The following TBC1D16 variants were observed in gnomAD, a reference collection of about 807,000 sequenced individuals.
TBC1D16 encodes the protein CTD-2529O21.1.
Under a neutral mutation model 74.7 loss-of-function variants are expected in TBC1D16, and 58 were observed. The observed-to-expected ratio is 0.78, with a 90% CI of 0.63 to 0.97. The LOEUF (loss-of-function observed/expected upper bound fraction) is 0.97, where lower values mean the gene tolerates loss of function less well. Ranked by LOEUF, TBC1D16 falls within the 50% of genes least tolerant of loss-of-function variation. TBC1D16 has a pLI of 0.00. For synonymous variants in TBC1D16, 493 were observed against 474.7 expected (o/e 1.04, Z -0.50); for missense variants, 1,014 against 1,079.5 (o/e 0.94, Z 0.85).
chr17:79,947,285 C>G lies in TBC1D16; in HGVS notation c.1728+360G>C, dbSNP rs76580238. On this transcript the variant is annotated intron_variant, in intron 9 of 11. Coordinates refer to ENST00000310924, the MANE Select transcript of TBC1D16 (RefSeq NM_019020.4). ...TGGCTGTGTTGACTCCTGCAGGGAG[C>G]AGCTTAGACACACCTGAGGACCCAT... Among the ~76,000 whole-genome samples, 508 of 152,262 alleles carry G rather than the reference C, an allele frequency of 3.3e-3. 20 individuals are homozygous for G. The East Asian group carries it at 0.078, about 23-fold the overall frequency.
At chr17:80,002,317 C>T (rs761749092) in intron 3 of TBC1D16, among the ~76,000 whole-genome samples, 49 of 152,336 alleles carry the variant, frequency 3.2e-4, no homozygotes, top group Non-Finnish European at 6.0e-4. Flanking sequence ...CAGCCGCTGC[C>T]GCTGATACTC....
chr17:80,001,932 G>A lies in TBC1D16; in HGVS notation c.779+8228C>T, dbSNP rs1405556559. Among the ~76,000 whole-genome samples, 4 of 151,982 alleles carry A rather than the reference G, an allele frequency of 2.6e-5. No individual in the cohort carries two copies. The highest frequency in any genetic ancestry group is 1.9e-4 in the East Asian group (1 of 5,184). On this transcript the variant is annotated intron_variant, in intron 3 of 11. Transcript: ENST00000310924. The surrounding 1 kb of genome is among the most constrained non-coding windows in gnomAD (Gnocchi z 5.8). Reference sequence around the variant, plus strand: ...CTCTGATTTGCTGGGCAGCTGCTGCGCCCCGGAACAAAGACGGGAAGGGCA... The same window carrying A: ...CTCTGATTTGCTGGGCAGCTGCTGCACCCCGGAACAAAGACGGGAAGGGCA...
rs1257990587 is a variant in TBC1D16, at chr17:80,007,116, C to T, written c.779+3044G>A. Among the ~76,000 whole-genome samples the T allele has an allele frequency of 2.0e-5, 3 of 152,330 alleles. No homozygotes were observed. The highest frequency in any genetic ancestry group is 1.9e-4 in the East Asian group (1 of 5,184). ...CTCGTCCCAGCACAAAGCTGCAACT[C>T]GCCACGTTCAGCGAGCCTCCCCTGG... On this transcript the variant is annotated intron_variant, in intron 3 of 11. Transcript: ENST00000310924. This position sits in a 1 kb window ranked among gnomAD's most constrained non-coding sequence, Gnocchi z 4.5.
At position 79,941,193 on chromosome 17, in the gene TBC1D16, C is replaced by T. The variant is rs2031947522; in HGVS notation, c.2056-86G>A. The stretch of plus-strand genomic sequence containing the variant: ...CCATGGGAGTGGCCAAAGACAGCAA[C>T]AGCAGCAACAACGGCCTGCACCTCG... On this transcript the variant is annotated intron_variant, in intron 11 of 11. Coordinates refer to ENST00000310924, the MANE Select transcript of TBC1D16 (RefSeq NM_019020.4). The surrounding 1 kb of genome is among the most constrained non-coding windows in gnomAD (Gnocchi z 4.3). The T allele has an allele frequency of 6.7e-6, 9 of 1,351,562 alleles. No homozygotes were observed. The South Asian group carries it at 1.2e-4, about 17-fold the overall frequency. The allele number at this position is 1,351,562 out of a possible 1,614,324, so 83.7% of individuals were successfully genotyped here.
Position 79,947,667 on chromosome 17 carries a change from T to A in TBC1D16, c.1706A>T (p.Asp569Val), listed in dbSNP as rs756698303. 2 of 1,614,040 alleles carry A rather than the reference T, an allele frequency of 1.2e-6. No homozygotes were observed. The highest frequency in any genetic ancestry group is 1.7e-6 in the Non-Finnish European group (2 of 1,180,002). Residue 569 changes from aspartate (D) to valine (V), a missense_variant, in exon 9 of 12, where the codon GAC becomes GTC. Coordinates refer to ENST00000310924, the MANE Select transcript of TBC1D16 (RefSeq NM_019020.4). ...CACCAGTTGTTTCTCCATGTCCTCG[T>A]CCCGGGGTGAGCTGACGAAGATCGT... is the stretch of plus-strand genomic sequence containing the variant. ...QNTIFVSSPR[D>V]EDMEKQLLYL...
Position 80,008,052 on chromosome 17 carries a change from G to A in TBC1D16, c.779+2108C>T, listed in dbSNP as rs2035744279. Among the ~76,000 whole-genome samples the A allele has an allele frequency of 6.6e-6, 1 of 150,966 alleles. No homozygotes were observed. Among genetic ancestry groups the A allele is most frequent in the Non-Finnish European group, 1.5e-5 (1 of 67,828 alleles). On this transcript the variant is annotated intron_variant, in intron 3 of 11. Coordinates refer to ENST00000310924, the MANE Select transcript of TBC1D16 (RefSeq NM_019020.4). This position sits in a 1 kb window ranked among gnomAD's most constrained non-coding sequence, Gnocchi z 4.5. ...AAAAAAAAAAGTGTCTCCTGGCATTGCCATACACCCCCTGGGCACAGACTC... is the reference window on the plus strand; with the variant it reads ...AAAAAAAAAAGTGTCTCCTGGCATTACCATACACCCCCTGGGCACAGACTC...
chr17:80,014,502 A>G (rs1373859344), intron 1 of TBC1D16, among the ~76,000 whole-genome samples: 2 of 152,222 alleles, frequency 1.3e-5, no homozygotes, highest in Non-Finnish European at 1.5e-5. Context: ...CAAAGAACTG[A>G]TAAATATGTA....
intron 10 of TBC1D16, 28 bp from the exon 11 acceptor site, chr17:79,942,234 G>A (rs745682370): frequency 7.7e-6 from 12 of 1,564,436 alleles, no homozygotes; most frequent in Middle Eastern, 1.7e-4. Context: ...GTTCAGACAC[G>A]GGCTCTGACC....
intron 3 of TBC1D16, among the ~76,000 whole-genome samples, chr17:79,960,853 G>A (rs566666566): frequency 8.0e-6 from 1 of 125,710 alleles, no homozygotes; most frequent in East Asian, 2.3e-4. Context: ...CAGGAGGCGA[G>A]CAACAGAACT....
rs556698244 is a variant in TBC1D16 at position 80,007,360 on chromosome 17, T to A, written c.779+2800A>T. 1.4e-4 allele frequency among the ~76,000 whole-genome samples: 21 copies of A among 152,336 alleles called. 1 individual carries two copies. The East Asian group carries it at 3.9e-3, about 28-fold the overall frequency. The stretch of plus-strand genomic sequence containing the variant: ...CGACTCTGCCCTACAAGGGGGTTCT[T>A]GGCCGCACTTCACACCCGTGAGGCA... On this transcript the variant is annotated intron_variant, in intron 3 of 11. Transcript: ENST00000310924. The surrounding 1 kb of genome is among the most constrained non-coding windows in gnomAD (Gnocchi z 4.5).
intron 3 of TBC1D16, among the ~76,000 whole-genome samples, chr17:79,989,045 A>G (rs1222676820): frequency 6.6e-6 from 1 of 152,196 alleles, no homozygotes; most frequent in Non-Finnish European, 1.5e-5. Context: ...ATGATTAGGG[A>G]AACTCCTCCA....
chr17:79,974,733 G>A lies in TBC1D16; in HGVS notation c.780-21915C>T, dbSNP rs754271410. Among the ~76,000 whole-genome samples the A allele has an allele frequency of 6.6e-5, 10 of 152,116 alleles. No homozygotes were observed. In the South Asian group the frequency reaches 8.3e-4, roughly 13 times the overall value. ...TGGCTCTCCCAGGCTCTTCTCAGGC[G>A]TGGCACCCACACAGTAGGGCTAGCT... On this transcript the variant is annotated intron_variant, in intron 3 of 11. Transcript: ENST00000310924.
chr17:79,995,561 A>AGGTG (rs1568620735), intron 3 of TBC1D16, among the ~76,000 whole-genome samples: 26 of 58,748 alleles, frequency 4.4e-4, no homozygotes, highest in Admixed American at 1.6e-3. Flanking sequence ...TGAGGTGGGC[A>AGGTG]GATCACGAGG....
chr17:79,986,881 G>A lies in TBC1D16; in HGVS notation c.779+23279C>T, dbSNP rs901696479. On this transcript the variant is annotated intron_variant, in intron 3 of 11. Transcript: ENST00000310924. The surrounding 1 kb of genome is among the most constrained non-coding windows in gnomAD (Gnocchi z 6.0). ...TGGGAGGGCGTGATGCATGGGAGGA[G>A]CTGGACTGCGGTCAGCCGTCCCCTC... 1.3e-4 allele frequency among the ~76,000 whole-genome samples: 20 copies of A among 152,254 alleles called. No individual in the cohort carries two copies. The highest frequency in any genetic ancestry group is 7.7e-4 in the East Asian group (4 of 5,186).
chr17:80,008,792 C>T lies in TBC1D16; in HGVS notation c.779+1368G>A, dbSNP rs1318713442. On this transcript the variant is annotated intron_variant, in intron 3 of 11. Transcript: ENST00000310924. The surrounding 1 kb of genome is among the most constrained non-coding windows in gnomAD (Gnocchi z 4.5). ...TGAATGTTATCGGTTCACCCTGGGG[C>T]TCTAATGGACTGCATCTTTACTGGA... is the stretch of plus-strand genomic sequence containing the variant. Among the ~76,000 whole-genome samples, 1 of 152,238 alleles carries T rather than the reference C, an allele frequency of 6.6e-6. No individual in the cohort carries two copies. Among genetic ancestry groups the T allele is most frequent in the Non-Finnish European group, 1.5e-5 (1 of 68,044 alleles).
intron 2 of TBC1D16, among the ~76,000 whole-genome samples, chr17:80,011,441 T>G (rs1214694381): frequency 6.6e-6 from 1 of 152,142 alleles, no homozygotes; most frequent in Non-Finnish European, 1.5e-5. Context: ...CCTCCCTGTC[T>G]GTGTGAGCCC....
rs2031353152 is a variant in TBC1D16, at chr17:79,933,049, C to G, written c.*7810G>C. On this transcript the variant is annotated 3_prime_UTR_variant, in exon 12 of 12. Coordinates refer to ENST00000310924, the MANE Select transcript of TBC1D16 (RefSeq NM_019020.4). ...CCAGGAGCCCAAAGATCTGGTTGTT[C>G]TCTTGAGATGCAGAGAGGAGGCCCA... 6.6e-6 allele frequency: 1 copy of G among 152,202 alleles called. No homozygotes were observed. Among genetic ancestry groups the G allele is most frequent in the African/African-American group, 2.4e-5 (1 of 41,442 alleles). 9.4% of individuals were successfully genotyped at this position (152,202 alleles called of 1,614,324 possible).
intron 1 of TBC1D16, among the ~76,000 whole-genome samples, chr17:80,032,196 A>G (rs959117057): frequency 2.0e-5 from 3 of 152,208 alleles, no homozygotes; most frequent in Non-Finnish European, 4.4e-5. Context: ...TTGGCTTCAT[A>G]GTGACCAATC....
At position 80,010,985 on chromosome 17, in the gene TBC1D16, G is replaced by C. The variant is rs932641809; in HGVS notation, c.182-228C>G. Among the ~76,000 whole-genome samples the C allele has an allele frequency of 1.3e-5, 2 of 152,178 alleles. No homozygotes were observed. Among genetic ancestry groups the C allele is most frequent in the African/African-American group, 4.8e-5 (2 of 41,434 alleles). ...AGAACACACACTTCCGGCAGATCCAGGGGGCACTGGTCCCCAAGCACCGGC... is the reference window on the plus strand; with the variant it reads ...AGAACACACACTTCCGGCAGATCCACGGGGCACTGGTCCCCAAGCACCGGC... On this transcript the variant is annotated intron_variant, in intron 2 of 11. Coordinates refer to ENST00000310924, the MANE Select transcript of TBC1D16 (RefSeq NM_019020.4). The surrounding 1 kb of genome is among the most constrained non-coding windows in gnomAD (Gnocchi z 8.8).
Sources: gnomAD v4.1 joint callset for allele counts (sites outside exome capture counted in the v4.1 genomes callset) on GRCh38, gnomAD v4.1.1 for gene constraint, Gnocchi (gnomAD v3.1) non-coding constraint, MANE v1.5 for transcripts, NCBI Gene and HGNC (gene_info 2026-07-23, HGNC 2026-07-21) for gene names.